The following HS2ST1 variants were observed in gnomAD, a reference collection of about 807,000 sequenced individuals.
HS2ST1 encodes heparan sulfate 2-O-sulfotransferase 1.
HS2ST1 carries 18 observed loss-of-function variants against 42.9 expected under a neutral mutation model. The observed-to-expected ratio is 0.42, with a 90% CI of 0.29 to 0.62. The LOEUF is 0.62. Among genes scored for constraint, HS2ST1 ranks in the 20% least tolerant of loss-of-function variants. The probability of loss-of-function intolerance (pLI) is 0.21; values close to 1 mark genes in which losing one functional copy is unlikely to be tolerated. For synonymous variants in HS2ST1, 146 were observed against 152.9 expected, an observed-to-expected ratio of 0.95 and a Z score of 0.33; for missense variants, 334 against 433.8, an observed-to-expected ratio of 0.77 and a Z score of 2.04.
chr1:86,917,996 G>C (rs1660200892), intron 1 of HS2ST1, among the ~76,000 whole-genome samples: 1 of 151,964 alleles, frequency 6.6e-6, no homozygotes, highest in African/African-American at 2.4e-5. Context: ...TTTTATTTTG[G>C]CATAAAAAAC....
chr1:87,033,693 C>T (rs6675767), intron 1 of HS2ST1, among the ~76,000 whole-genome samples: 2,130 of 152,176 alleles, frequency 0.014, 57 homozygotes, highest in African/African-American at 0.049. Flanking sequence ...CAGGCGCCTG[C>T]CACCACGTCC....
intron 3 of HS2ST1, among the ~76,000 whole-genome samples, chr1:87,089,254 C>T (rs1373353074): frequency 1.3e-5 from 2 of 151,980 alleles, no homozygotes; most frequent in African/African-American, 2.4e-5. Flanking sequence ...TGTCACACTT[C>T]GTATGCTGAC....
rs146002875 is a variant in HS2ST1 at position 86,955,157 on chromosome 1, G to A, written c.124+39997G>A. 1.5e-4 allele frequency among the ~76,000 whole-genome samples: 23 copies of A among 152,290 alleles called. No individual in the cohort carries two copies. In the East Asian group the frequency reaches 4.4e-3, roughly 29 times the overall value. ...TTGGTTCTGCATTTCTGTGTCTAAAGACAAAAATAATTTCTTAGAGGAGAT... is the reference window on the plus strand; with the variant it reads ...TTGGTTCTGCATTTCTGTGTCTAAAAACAAAAATAATTTCTTAGAGGAGAT... On this transcript the variant is annotated intron_variant, in intron 1 of 6. Coordinates refer to ENST00000370550, the MANE Select transcript of HS2ST1 (RefSeq NM_012262.4).
chr1:86,993,927 AGG>A (rs1430449520), intron 1 of HS2ST1, among the ~76,000 whole-genome samples: 1 of 152,164 alleles, frequency 6.6e-6, no homozygotes, highest in Non-Finnish European at 1.5e-5. Context: ...GTGTTGCAAA[AGG>A]GGCCTAGCTT....
chr1:87,065,167 A>G (rs1651217803), intron 1 of HS2ST1, among the ~76,000 whole-genome samples: 1 of 152,218 alleles, frequency 6.6e-6, no homozygotes, highest in Non-Finnish European at 1.5e-5. Flanking sequence ...ATTGCTCACT[A>G]TTCCTCATTG....
chr1:87,088,280 A>G (rs1651860223), intron 3 of HS2ST1, among the ~76,000 whole-genome samples: 1 of 152,060 alleles, frequency 6.6e-6, no homozygotes, highest in Non-Finnish European at 1.5e-5. Context: ...GAAACTTTCA[A>G]GTAATCTTGG....
intron 1 of HS2ST1, chr1:86,992,992 T>C (rs886227561): frequency 1.3e-5 from 18 of 1,413,076 alleles, no homozygotes; most frequent in Non-Finnish European, 1.7e-5. Context: ...TCTGTGTCTA[T>C]GTTCCTTTCC....
Position 87,092,602 on chromosome 1 carries a change from ATTAC to A in HS2ST1, c.524_527del (p.Tyr175PhefsTer2), listed in dbSNP as rs746624240. 3.8e-6 allele frequency: 6 copies of A among 1,591,960 alleles called. No homozygotes were observed. On this transcript the variant is annotated frameshift_variant, in exon 4 of 7. Transcript: ENST00000370550. LOFTEE classifies it high-confidence loss of function. ...CCTATTGAGAGGCTAGTTTCTTATT[ATTAC>A]TTTCTGAGATTTGGAGATGATTATA...
chr1:87,097,744 T>C (rs1652102804), intron 4 of HS2ST1, 94 bp from the exon 5 acceptor site: 2 of 1,444,488 alleles, frequency 1.4e-6, no homozygotes, highest in African/African-American at 1.4e-5. Context: ...TCCCACCTAC[T>C]CTGGCCCATT....
intron 1 of HS2ST1, among the ~76,000 whole-genome samples, chr1:86,950,808 C>A (rs990987424): frequency 1.3e-5 from 2 of 151,988 alleles, no homozygotes; most frequent in African/African-American, 4.8e-5. Flanking sequence ...TTTTTTACGG[C>A]CTTTTAGTAG....
At chr1:86,938,933 G>T (rs550220499) in intron 1 of HS2ST1, among the ~76,000 whole-genome samples, 96 of 152,162 alleles carry the variant, frequency 6.3e-4, no homozygotes, top group African/African-American at 2.2e-3. Flanking sequence ...AAACTTTAAG[G>T]GACAGACTAG....
At chr1:87,053,208 A>ACC (rs1650877152) in intron 1 of HS2ST1, among the ~76,000 whole-genome samples, 1 of 152,186 alleles carries the variant, frequency 6.6e-6, no homozygotes, top group Non-Finnish European at 1.5e-5. Flanking sequence ...TGAGTGGAGC[A>ACC]CCAGGTGCAG....
chr1:86,947,260 C>G (rs527416741), intron 1 of HS2ST1, among the ~76,000 whole-genome samples: 1 of 152,274 alleles, frequency 6.6e-6, no homozygotes, highest in South Asian at 2.1e-4. Flanking sequence ...GCAGGACAGG[C>G]AGAAATGTGA....
rs964522001 is a variant in HS2ST1, at chr1:87,072,801, A to T, written c.125-133A>T. On this transcript the variant is annotated intron_variant, in intron 1 of 6. Coordinates refer to ENST00000370550, the MANE Select transcript of HS2ST1 (RefSeq NM_012262.4). Reference sequence around the variant, plus strand: ...CCCAAGCAATTTACCCATGTTTTCCATATCCCTTGGTTCTTTGCTTTTGTT... The same window carrying T: ...CCCAAGCAATTTACCCATGTTTTCCTTATCCCTTGGTTCTTTGCTTTTGTT... The T allele has an allele frequency of 4.6e-6, 3 of 656,000 alleles. No homozygotes were observed. In the African/African-American group the frequency reaches 5.5e-5, roughly 12 times the overall value. 40.6% of individuals were successfully genotyped at this position (656,000 alleles called of 1,614,324 possible). A position where few individuals can be genotyped will look rare whatever the true frequency, so the allele number is the denominator to read the frequency against.
chr1:86,928,171 T>G (rs1470142464), intron 1 of HS2ST1, among the ~76,000 whole-genome samples: 1 of 152,080 alleles, frequency 6.6e-6, no homozygotes, highest in Non-Finnish European at 1.5e-5. Flanking sequence ...TCTAAGACTT[T>G]GATGATTAGG....
At position 86,986,039 on chromosome 1, in the gene HS2ST1, CTTTTT is replaced by C. The variant is rs11377612; in HGVS notation, c.124+70892_124+70896del. 2.3e-3 allele frequency among the ~76,000 whole-genome samples: 306 copies of C among 133,814 alleles called. 2 individuals carry two copies. The highest frequency in any genetic ancestry group is 8.0e-3 in the African/African-American group (286 of 35,958). 87.8% of individuals were successfully genotyped at this position (133,814 alleles called of 152,430 possible). ...AGTAATACACTAATGAGCTTGGCCT[CTTTTT>C]TTTTTTTTTTTTAATCTCCCACATT... On this transcript the variant is annotated intron_variant, in intron 1 of 6. Transcript: ENST00000370550.
chr1:87,042,093 C>T (rs570992073), intron 1 of HS2ST1, among the ~76,000 whole-genome samples: 2 of 152,202 alleles, frequency 1.3e-5, no homozygotes, highest in East Asian at 1.9e-4. Flanking sequence ...CAGCATCTTC[C>T]TATACCTGTT....
intron 1 of HS2ST1, among the ~76,000 whole-genome samples, chr1:87,030,360 T>C (rs1650198091): frequency 6.6e-6 from 1 of 152,050 alleles, no homozygotes; most frequent in Admixed American, 6.6e-5. Flanking sequence ...TAGTCAGGTG[T>C]GGTGGTGTGT....
intron 1 of HS2ST1, among the ~76,000 whole-genome samples, chr1:87,025,866 T>C (rs1177307974): frequency 6.6e-6 from 1 of 152,200 alleles, no homozygotes; most frequent in East Asian, 1.9e-4. Flanking sequence ...AAAAATTAAA[T>C]TTGAAATATT....
Sources: allele counts gnomAD v4.1 joint callset (sites outside exome capture counted in the v4.1 genomes callset), GRCh38; gene constraint gnomAD v4.1.1; transcripts MANE v1.5; gene names NCBI Gene and HGNC (gene_info 2026-07-23, HGNC 2026-07-21).